IL36G: variants seen among roughly 807,000 people sequenced by gnomAD.
IL36G encodes interleukin 36 gamma, also known as interleukin-36 gamma.
In IL36G, 10 loss-of-function variants were observed where a neutral mutation model predicts 13.5. That is an observed-to-expected ratio of 0.74 (90% CI 0.46 to 1.26). The LOEUF (loss-of-function observed/expected upper bound fraction) is 1.26, where lower values mean the gene tolerates loss of function less well. Among genes scored for constraint, IL36G ranks in the 50% most tolerant of loss-of-function variants. The pLI is 0.00. For synonymous variants in IL36G, 84 were observed against 74.0 expected (o/e 1.13, Z -0.69); for missense variants, 199 against 203.0 (o/e 0.98, Z 0.12).
At chr2:112,979,836 TATGAATGA>T (rs3075080) in intron 3 of IL36G, among the ~76,000 whole-genome samples, 165 bp from the exon 4 acceptor site, 1 of 151,426 alleles carries the variant, frequency 6.6e-6, no homozygotes, top group African/African-American at 2.4e-5. Flanking sequence ...TGGCACATGG[TATGAATGA>T]ATGAATGAAT....
intron 4 of IL36G, among the ~76,000 whole-genome samples, chr2:112,980,991 A>G (rs1684251409): frequency 6.6e-6 from 1 of 152,264 alleles, no homozygotes; most frequent in Non-Finnish European, 1.5e-5. Context: ...ACATTCTATT[A>G]GTGACATATG....
Position 112,985,249 on chromosome 2 carries a change from G to C in IL36G, c.*200G>C. ...ACAGGATGTGGCCTCAGAAGCAGGA[G>C]AGCTGGGTGGTATAAGGCTGTCCTC... On this transcript the variant is annotated 3_prime_UTR_variant, in exon 5 of 5. Transcript: ENST00000259205. 1 of 564,796 alleles carries C rather than the reference G, an allele frequency of 1.8e-6. No individual in the cohort carries two copies. Among genetic ancestry groups the C allele is most frequent in the Non-Finnish European group, 3.2e-6 (1 of 316,242 alleles). 35.0% of individuals were successfully genotyped at this position (564,796 alleles called of 1,614,324 possible).
At chr2:112,981,228 C>T in intron 4 of IL36G, 7 of 1,378,598 alleles carry the variant, frequency 5.1e-6, no homozygotes, top group South Asian at 1.2e-5. Context: ...CTATTTTCTG[C>T]AGAGTTATTC....
intron 2 of IL36G, among the ~76,000 whole-genome samples, chr2:112,978,965 T>C (rs971683588): frequency 8.5e-5 from 13 of 152,226 alleles, no homozygotes; most frequent in Non-Finnish European, 1.6e-4. Context: ...GTGAGACTGC[T>C]CATTGCCCTC....
Position 112,985,005 on chromosome 2 carries a change from G to C in IL36G, c.466G>C (p.Gly156Arg), listed in dbSNP as rs1684328029. Residue 156 changes from glycine (G) to arginine (R), a missense_variant, in exon 5 of 5, where the codon GGG (glycine) becomes CGG (arginine). Gly to Arg is a moderately radical substitution (Grantham distance 125, BLOSUM62 -2). Transcript: ENST00000259205. The stretch of plus-strand genomic sequence containing the variant: ...GCCCATCATTCTGACTTCAGAACTT[G>C]GGAAGTCATACAACACTGCCTTTGA... ...DQPIILTSEL[G>R]KSYNTAFELN... 2 of 1,613,918 alleles carry C rather than the reference G, an allele frequency of 1.2e-6. No homozygotes were observed. The highest frequency in any genetic ancestry group is 1.1e-5 in the South Asian group (1 of 91,080).
rs748815896 is a variant in IL36G, at chr2:112,978,678, G to GC, written c.42dup (p.Val15ArgfsTer7). On this transcript the variant is annotated frameshift_variant, in exon 2 of 5. Coordinates refer to ENST00000259205, the MANE Select transcript of IL36G (RefSeq NM_019618.4). LOFTEE classifies it high-confidence loss of function. ...AGGAGACGCTGATGGTGGAGGAAGG[G>GC]CCGTCTATCAATCAAGTGAATCAAA... 66 of 1,614,022 alleles carry GC rather than the reference G, an allele frequency of 4.1e-5. No individual in the cohort carries two copies. The highest frequency in any genetic ancestry group is 5.3e-5 in the Non-Finnish European group (62 of 1,180,016).
chr2:112,983,603 C>G (rs1361094312), intron 4 of IL36G, among the ~76,000 whole-genome samples: 2 of 151,878 alleles, frequency 1.3e-5, no homozygotes, highest in Non-Finnish European at 2.9e-5. Flanking sequence ...TGGGTGGGAA[C>G]AGCTTGGTGT....
At chr2:112,978,784 C>T (rs1684211488) in intron 2 of IL36G, 91 bp downstream of exon 2, 1 of 1,266,394 alleles carries the variant, frequency 7.9e-7, no homozygotes, top group Non-Finnish European at 1.1e-6. Context: ...TTCTCTGCTC[C>T]TCTCTGTACA....
In IL36G at chr2:112,980,000, T is replaced by C. The variant is rs775069722; in HGVS notation, c.161-9T>C. The C allele has an allele frequency of 6.2e-7, 1 of 1,611,746 alleles. No individual in the cohort carries two copies. The highest frequency in any genetic ancestry group is 8.5e-7 in the Non-Finnish European group (1 of 1,179,260). ...GAAACTGATACCATCTCTCCTCTTA[T>C]CTTTACAGTCACTGTTGCTGTTATC... On this transcript the variant is annotated splice_polypyrimidine_tract_variant and intron_variant, in intron 3 of 4. Transcript: ENST00000259205.
At chr2:112,983,842 A>G (rs1010249261) in intron 4 of IL36G, among the ~76,000 whole-genome samples, 1 of 152,216 alleles carries the variant, frequency 6.6e-6, no homozygotes, top group African/African-American at 2.4e-5. Flanking sequence ...AATGATTATT[A>G]GAGAATAGAG....
At position 112,979,989 on chromosome 2, in the gene IL36G, C is replaced by T. The variant is rs939290268; in HGVS notation, c.161-20C>T. ...GACTTCAAAAGGAAACTGATACCATCTCTCCTCTTATCTTTACAGTCACTG... is the reference window on the plus strand; with the variant it reads ...GACTTCAAAAGGAAACTGATACCATTTCTCCTCTTATCTTTACAGTCACTG... On this transcript the variant is annotated intron_variant, in intron 3 of 4. Transcript: ENST00000259205. 4 of 1,608,034 alleles carry T rather than the reference C, an allele frequency of 2.5e-6. No individual in the cohort carries two copies. Among genetic ancestry groups the T allele is most frequent in the Non-Finnish European group, 2.5e-6 (3 of 1,177,760 alleles).
Position 112,985,035 on chromosome 2 carries a change from A to G in IL36G, c.496A>G (p.Asn166Asp), listed in dbSNP as rs1684328658. 2 of 1,612,936 alleles carry G rather than the reference A, an allele frequency of 1.2e-6. No homozygotes were observed. Among genetic ancestry groups the G allele is most frequent in the African/African-American group, 1.3e-5 (1 of 74,908 alleles). Residue 166 changes from asparagine (N) to aspartate (D), a missense_variant, in exon 5 of 5, where the codon AAT becomes GAT. Transcript: ENST00000259205. ...GKSYNTAFEL[N>D]IND ...GTCATACAACACTGCCTTTGAATTA[A>G]ATATAAATGACTGAACTCAGCCTAG...
At position 112,978,032 on chromosome 2, in the gene IL36G, C is replaced by A. The variant is rs771352696; in HGVS notation, c.-66C>A. On this transcript the variant is annotated 5_prime_UTR_variant, in exon 1 of 5. Transcript: ENST00000259205. ...TCACTGACCTTGGAAGCTGCTGGAG[C>A]CACGATTCAGTCCCCTGGACTGTAG... is the stretch of plus-strand genomic sequence containing the variant. 6.5e-6 allele frequency: 1 copy of A among 152,794 alleles called. No homozygotes were observed. The allele number at this position is 152,794 out of a possible 1,614,324, so 9.5% of individuals were successfully genotyped here.
intron 2 of IL36G, 72 bp from the exon 3 acceptor site, chr2:112,979,149 C>A: frequency 9.9e-7 from 1 of 1,008,172 alleles, no homozygotes; most frequent in Non-Finnish European, 1.6e-6. Flanking sequence ...GGGTTAGATA[C>A]TTTTCTCCTG....
rs762507830 is a variant in IL36G, at chr2:112,979,288, C to A, written c.123C>A (p.Asn41Lys). 9 of 1,613,278 alleles carry A rather than the reference C, an allele frequency of 5.6e-6. No homozygotes were observed. Among genetic ancestry groups the A allele is most frequent in the Non-Finnish European group, 6.8e-6 (8 of 1,179,194 alleles). Residue 41 changes from asparagine (N) to lysine (K), a missense_variant, in exon 3 of 5, where the codon AAC becomes AAA. Asn to Lys is a moderately conservative substitution (Grantham distance 94). Transcript: ENST00000259205. ...AAGTGTGGACCCTTCAGGGTCAGAA[C>A]CTTGTGGCAGTTCCACGAAGTGACA... The part of the protein sequence containing the change: ...NQQVWTLQGQ[N>K]LVAVPRSDSV...
In IL36G at chr2:112,985,302, G is replaced by C. The variant is rs1573344426; in HGVS notation, c.*253G>C. On this transcript the variant is annotated 3_prime_UTR_variant, in exon 5 of 5. Transcript: ENST00000259205. ...AAGCTGGTGCTGTGTAGGCCACAAG[G>C]CATCTGCATGAGTGACTTTAAGACT... 6.6e-6 allele frequency: 3 copies of C among 456,768 alleles called. No individual in the cohort carries two copies. In the East Asian group the frequency reaches 1.2e-4, roughly 18 times the overall value. 28.3% of individuals were successfully genotyped at this position (456,768 alleles called of 1,614,324 possible). A position where few individuals can be genotyped will look rare whatever the true frequency, so the allele number is the denominator to read the frequency against.
At chr2:112,982,835 G>A (rs1343750776) in intron 4 of IL36G, among the ~76,000 whole-genome samples, 1 of 152,176 alleles carries the variant, frequency 6.6e-6, no homozygotes, top group East Asian at 1.9e-4. Flanking sequence ...AGCCTGGATG[G>A]AGTAAGTTTA....
intron 4 of IL36G, among the ~76,000 whole-genome samples, chr2:112,981,880 TA>T (rs1684269216): frequency 6.6e-6 from 1 of 152,238 alleles, no homozygotes; most frequent in Non-Finnish European, 1.5e-5. Context: ...TTTTATTTTT[TA>T]ATGACTGTTT....
rs1363630463 is a variant in IL36G at position 112,985,225 on chromosome 2, C to A, written c.*176C>A. 2 of 592,776 alleles carry A rather than the reference C, an allele frequency of 3.4e-6. No individual in the cohort carries two copies. Among genetic ancestry groups the A allele is most frequent in the Admixed American group, 5.9e-5 (2 of 33,714 alleles). The allele number at this position is 592,776 out of a possible 1,614,324, so 36.7% of individuals were successfully genotyped here. Reference sequence around the variant, plus strand: ...CAATTACTTCATAGCAACTGAAGAACAGGATGTGGCCTCAGAAGCAGGAGA... The same window carrying A: ...CAATTACTTCATAGCAACTGAAGAAAAGGATGTGGCCTCAGAAGCAGGAGA... On this transcript the variant is annotated 3_prime_UTR_variant, in exon 5 of 5. Transcript: ENST00000259205.
Sources: allele counts gnomAD v4.1 joint callset (sites outside exome capture counted in the v4.1 genomes callset), GRCh38; gene constraint gnomAD v4.1.1; transcripts MANE v1.5; gene names NCBI Gene and HGNC (gene_info 2026-07-23, HGNC 2026-07-21).